The following PLXNA2 variants were observed in gnomAD, a reference collection of about 807,000 sequenced individuals.
PLXNA2 encodes plexin A2.
A neutral mutation model predicts 193.5 loss-of-function variants in PLXNA2; 91 were observed. The ratio of observed to expected loss-of-function variants is 0.47; its 90% CI spans 0.40 to 0.56. PLXNA2 has a LOEUF of 0.56. Among genes scored for constraint, PLXNA2 ranks in the 20% least tolerant of loss-of-function variants. The pLI, the probability that PLXNA2 is intolerant of heterozygous loss-of-function variation, is 0.00. For missense variants in PLXNA2, 1,995 were observed against 2,503.2 expected (o/e 0.80, Z 4.33); for synonymous variants, 997 against 1,027.3 (o/e 0.97, Z 0.56).
At chr1:208,240,453 A>C (rs1189369589) in intron 1 of PLXNA2, among the ~76,000 whole-genome samples, 4 of 152,114 alleles carry the variant, frequency 2.6e-5, no homozygotes, top group Non-Finnish European at 4.4e-5. Context: ...CCCCTCATTT[A>C]CTCTAATCAG....
At chr1:208,133,265 G>A (rs1178529935) in intron 4 of PLXNA2, among the ~76,000 whole-genome samples, 1 of 152,150 alleles carries the variant, frequency 6.6e-6, no homozygotes, top group African/African-American at 2.4e-5. Context: ...CTCTTCTACA[G>A]CATTGCTCTG....
intron 8 of PLXNA2, among the ~76,000 whole-genome samples, chr1:208,094,974 T>C (rs756967984): frequency 7.9e-5 from 12 of 152,214 alleles, no homozygotes; most frequent in Non-Finnish European, 1.6e-4. Context: ...TTCATGCCCA[T>C]AGCTTGGACC....
At chr1:208,183,695 C>A (rs1475881236) in intron 3 of PLXNA2, among the ~76,000 whole-genome samples, 2 of 152,124 alleles carry the variant, frequency 1.3e-5, no homozygotes, top group African/African-American at 4.8e-5. Context: ...AAACAGATCA[C>A]CAAGAGAGGC....
At chr1:208,088,403 C>T (rs1666604131) in intron 9 of PLXNA2, among the ~76,000 whole-genome samples, 1 of 152,234 alleles carries the variant, frequency 6.6e-6, no homozygotes. Context: ...GAGCAGCCAG[C>T]ATCCTGGGAA....
intron 1 of PLXNA2, among the ~76,000 whole-genome samples, chr1:208,228,000 T>C (rs180939255): frequency 1.2e-4 from 19 of 152,212 alleles, no homozygotes; most frequent in Admixed American, 7.8e-4. Flanking sequence ...GGAGGAACAA[T>C]GAGGGAGTAA....
chr1:208,112,971 C>A (rs189281529), intron 4 of PLXNA2, among the ~76,000 whole-genome samples: 53 of 128,144 alleles, frequency 4.1e-4, no homozygotes, highest in African/African-American at 1.5e-3. Context: ...AAGTAGGACC[C>A]TTTCTAGGAA....
rs1172344239 is a variant in PLXNA2 at position 208,027,043 on chromosome 1, C to T, written c.*200G>A. On this transcript the variant is annotated 3_prime_UTR_variant, in exon 32 of 32. Transcript: ENST00000367033. ...GTGTTCTCACTGAGGATGGACGACG[C>T]CCACTGTCTCTCCCAGCTGGAACTG... 7.6e-6 allele frequency: 4 copies of T among 524,900 alleles called. No homozygotes were observed. Among genetic ancestry groups the T allele is most frequent in the African/African-American group, 5.7e-5 (3 of 52,350 alleles). The allele number at this position is 524,900 out of a possible 1,614,324, so 32.5% of individuals were successfully genotyped here.
chr1:208,233,830 C>T (rs1187271731), intron 1 of PLXNA2, among the ~76,000 whole-genome samples: 1 of 152,176 alleles, frequency 6.6e-6, no homozygotes, highest in Admixed American at 6.5e-5. Flanking sequence ...CTTGCCAGAG[C>T]CATTGACTGT....
At position 208,045,157 on chromosome 1, in the gene PLXNA2, C is replaced by A. The variant is rs775398679; in HGVS notation, c.3549G>T (p.Val1183=). 2 of 1,614,048 alleles carry A rather than the reference C, an allele frequency of 1.2e-6. No individual in the cohort carries two copies. Among genetic ancestry groups the A allele is most frequent in the African/African-American group, 2.7e-5 (2 of 74,916 alleles). Residue 1183 remains valine (V), a synonymous_variant, in exon 19 of 32, where the codon GTG becomes GTT. Coordinates refer to ENST00000367033, the MANE Select transcript of PLXNA2 (RefSeq NM_025179.4). The part of the protein sequence containing the change: ...ASGGAKLNYT[V]LIGETPCAVT... ...CAGCACAAGGGGTCTCTCCGATGAG[C>A]ACAGTGTAGTTGAGTTTGGCCCCTC...
intron 22 of PLXNA2, 56 bp downstream of exon 22, chr1:208,042,042 G>T: frequency 1.9e-6 from 3 of 1,566,984 alleles, no homozygotes; most frequent in Non-Finnish European, 1.7e-6. Context: ...ATAATGAGGT[G>T]CTCTGTCCAG....
chr1:208,062,643 A>G (rs1330248552), intron 12 of PLXNA2, among the ~76,000 whole-genome samples: 8 of 152,178 alleles, frequency 5.3e-5, no homozygotes, highest in Non-Finnish European at 1.0e-4. Context: ...TTGTCTGAAA[A>G]TAAAATATCC....
chr1:208,147,799 G>T (rs1475863680), intron 3 of PLXNA2, among the ~76,000 whole-genome samples: 1 of 152,144 alleles, frequency 6.6e-6, no homozygotes, highest in Admixed American at 6.5e-5. Flanking sequence ...GAGTAGATGG[G>T]TCATCTAAAA....
intron 4 of PLXNA2, among the ~76,000 whole-genome samples, chr1:208,137,799 G>T (rs1434160026): frequency 1.3e-5 from 2 of 152,172 alleles, no homozygotes; most frequent in Non-Finnish European, 2.9e-5. Context: ...GAGAGTGAAA[G>T]AGAATACATG....
At chr1:208,117,540 C>T (rs1667675985) in intron 4 of PLXNA2, among the ~76,000 whole-genome samples, 1 of 152,176 alleles carries the variant, frequency 6.6e-6, no homozygotes, top group Non-Finnish European at 1.5e-5. Flanking sequence ...ATGGAGAGAA[C>T]TGGAAAATCA....
At chr1:208,159,506 T>G (rs1276852883) in intron 3 of PLXNA2, among the ~76,000 whole-genome samples, 1 of 152,180 alleles carries the variant, frequency 6.6e-6, no homozygotes, top group African/African-American at 2.4e-5. Flanking sequence ...GCTCGTGCTC[T>G]TTCTGTCTTG....
At chr1:208,215,989 C>T (rs559553001) in intron 2 of PLXNA2, among the ~76,000 whole-genome samples, 7 of 152,258 alleles carry the variant, frequency 4.6e-5, no homozygotes, top group African/African-American at 1.7e-4. Flanking sequence ...GACTCCCTTC[C>T]CTCTCCTCTG....
chr1:208,084,273 C>T, intron 10 of PLXNA2, 107 bp downstream of exon 10: 1 of 1,198,350 alleles, frequency 8.3e-7, no homozygotes, highest in Admixed American at 1.9e-5. Context: ...TGGGCTCAGC[C>T]TGTGAACCTG....
intron 3 of PLXNA2, among the ~76,000 whole-genome samples, chr1:208,158,902 G>A (rs1669019709): frequency 6.6e-6 from 1 of 152,210 alleles, no homozygotes; most frequent in Non-Finnish European, 1.5e-5. Flanking sequence ...TCCCTGTGGT[G>A]GAGCCCTGCA....
At chr1:208,113,005 C>CA (rs5780433) in intron 4 of PLXNA2, among the ~76,000 whole-genome samples, 34,469 of 114,534 alleles carry the variant, frequency 0.3, 6,302 homozygotes, top group Non-Finnish European at 0.38. Context: ...GAAGGACCTA[C>CA]AAAAAAAAAA....
Sources: allele counts gnomAD v4.1 joint callset (sites outside exome capture counted in the v4.1 genomes callset), GRCh38; gene constraint gnomAD v4.1.1; transcripts MANE v1.5; gene names NCBI Gene and HGNC (gene_info 2026-07-23, HGNC 2026-07-21).